KANK1: variants seen among roughly 807,000 people sequenced by gnomAD.
KANK1 encodes KN motif and ankyrin repeat domain-containing protein 1.
Under a neutral mutation model 106.2 loss-of-function variants are expected in KANK1, and 109 were observed. That is an observed-to-expected ratio of 1.03 (90% CI 0.88 to 1.20). KANK1 has a LOEUF of 1.20. Ranked by LOEUF, KANK1 falls within the 50% of genes most tolerant of loss-of-function variation. The pLI is 0.00. For synonymous variants in KANK1, 873 were observed against 652.2 expected (o/e 1.34, Z -5.16); for missense variants, 2,399 against 1,710.7 (o/e 1.40, Z -7.10).
rs745802412 is a variant in KANK1 at position 710,965 on chromosome 9, C to G, written c.199C>G (p.Arg67Gly). 6.2e-7 allele frequency: 1 copy of G among 1,614,168 alleles called. No homozygotes were observed. The highest frequency in any genetic ancestry group is 2.2e-5 in the East Asian group (1 of 44,878). Residue 67 changes from arginine (R) to glycine (G), a missense_variant, in exon 3 of 12, where the codon CGG becomes GGG. Transcript: ENST00000382297. ...TIKRLNIQKRRKPSVPCPEPR... is the reference protein window; with the variant it reads ...TIKRLNIQKRGKPSVPCPEPR... ...CAAAAGACTGAACATCCAGAAGAGG[C>G]GGAAGCCGTCCGTGCCATGCCCAGA... is the stretch of plus-strand genomic sequence containing the variant.
intron 1 of KANK1, among the ~76,000 whole-genome samples, chr9:655,870 A>G (rs1029831749): frequency 5.3e-5 from 8 of 152,198 alleles, no homozygotes; most frequent in African/African-American, 1.9e-4. Context: ...AAATGTTTGT[A>G]AATTAATTTT....
At chr9:584,106 A>G (rs190556000) in intron 1 of KANK1, among the ~76,000 whole-genome samples, 1 of 152,286 alleles carries the variant, frequency 6.6e-6, no homozygotes, top group East Asian at 1.9e-4. Flanking sequence ...TCAGCATTAC[A>G]TATATAATCA....
rs1001101384 is a variant in KANK1, at chr9:730,048, T to C, written c.2699-3T>C. 5 of 1,613,694 alleles carry C rather than the reference T, an allele frequency of 3.1e-6. 1 individual carries two copies. The highest frequency in any genetic ancestry group is 3.3e-4 in the Middle Eastern group (2 of 6,054). ...CACTCTGTACCTTTCTTTTTCCTGA[T>C]AGGCAATTATTTGGGATATACCTGT... On this transcript the variant is annotated splice_polypyrimidine_tract_variant and splice_region_variant and intron_variant, in intron 3 of 11. Transcript: ENST00000382297.
intron 1 of KANK1, among the ~76,000 whole-genome samples, chr9:519,707 T>C (rs1298164995): frequency 6.6e-6 from 1 of 151,788 alleles, no homozygotes; most frequent in East Asian, 1.9e-4. Context: ...CCTTGTTTTA[T>C]CCTCCATCAG....
At chr9:737,188 G>C (rs1834022858) in intron 7 of KANK1, among the ~76,000 whole-genome samples, 1 of 152,134 alleles carries the variant, frequency 6.6e-6, no homozygotes. Context: ...CTTTCAGTGT[G>C]ACAACTCCAG....
At chr9:504,161 C>T (rs1424879887), upstream of KANK1, among the ~76,000 whole-genome samples, 3 of 152,178 alleles carry the variant, frequency 2.0e-5, no homozygotes, top group Non-Finnish European at 4.4e-5. Context: ...AGCAGGCCAG[C>T]CTCGTTGCCA....
chr9:604,911 A>G (rs931338718), intron 1 of KANK1, among the ~76,000 whole-genome samples: 2 of 151,862 alleles, frequency 1.3e-5, no homozygotes, highest in African/African-American at 4.9e-5. Context: ...TTCTTCATAA[A>G]TTGCTCAGTC....
At chr9:548,042 A>G (rs571520289) in intron 1 of KANK1, among the ~76,000 whole-genome samples, 14 of 152,318 alleles carry the variant, frequency 9.2e-5, no homozygotes, top group Admixed American at 7.2e-4. Flanking sequence ...CTTCATAACT[A>G]TGATAGCATA....
At chr9:481,857 T>A (rs1381951335) in intron 3 of KANK1, among the ~76,000 whole-genome samples, 7 of 120,292 alleles carry the variant, frequency 5.8e-5, no homozygotes, top group Non-Finnish European at 7.1e-5. Flanking sequence ...AAAAAAAAAA[T>A]AAAGGATGAA....
chr9:719,108 C>T (rs7021508), intron 3 of KANK1, among the ~76,000 whole-genome samples: 10 of 151,376 alleles, frequency 6.6e-5, no homozygotes, highest in African/African-American at 1.9e-4. Flanking sequence ...TACAGGCACA[C>T]GCCACCAGGC....
At chr9:738,701 G>C (rs530158434) in intron 8 of KANK1, among the ~76,000 whole-genome samples, 197 bp downstream of exon 8, 7 of 152,230 alleles carry the variant, frequency 4.6e-5, no homozygotes, top group Non-Finnish European at 1.0e-4. Context: ...GGGTGACACA[G>C]ATTCTAGATC....
intron 1 of KANK1, among the ~76,000 whole-genome samples, chr9:504,969 G>C (rs969875399): frequency 1.3e-5 from 2 of 150,998 alleles, no homozygotes; most frequent in East Asian, 3.9e-4. Flanking sequence ...CTGGGGGGGG[G>C]TCCGAGAGGT....
At chr9:672,341 G>A (rs902497424) in intron 1 of KANK1, among the ~76,000 whole-genome samples, 6 of 152,172 alleles carry the variant, frequency 3.9e-5, no homozygotes, top group Non-Finnish European at 7.4e-5. Flanking sequence ...TGTAACAATT[G>A]CATCAGTGGT....
At chr9:557,982 G>C (rs780933608) in intron 1 of KANK1, among the ~76,000 whole-genome samples, 40 of 141,056 alleles carry the variant, frequency 2.8e-4, no homozygotes, top group Non-Finnish European at 5.1e-4. Flanking sequence ...TCCATCCTGG[G>C]TGACAGAGCA....
intron 1 of KANK1, among the ~76,000 whole-genome samples, chr9:626,085 T>C (rs1056532185): frequency 6.6e-6 from 1 of 152,122 alleles, no homozygotes; most frequent in Non-Finnish European, 1.5e-5. Context: ...CTTCAATTCC[T>C]CATCAATAAG....
rs746459261 is a variant in KANK1, at chr9:745,201, C to A, written c.4025C>A (p.Ser1342Tyr). 10 of 1,613,962 alleles carry A rather than the reference C, an allele frequency of 6.2e-6. No individual in the cohort carries two copies. Among genetic ancestry groups the A allele is most frequent in the Non-Finnish European group, 8.5e-6 (10 of 1,180,002 alleles). Residue 1342 changes from serine (S) to tyrosine (Y), a missense_variant, in exon 12 of 12, where the codon TCT becomes TAT. Coordinates refer to ENST00000382297, the MANE Select transcript of KANK1 (RefSeq NM_015158.5). The stretch of plus-strand genomic sequence containing the variant: ...ACCCCTAGGCTTGGAAGGAAGACGT[C>A]TCCTGGCCCCACCCACCGAGGTTCA... Reference protein sequence around the residue: ...PGTPRLGRKTSPGPTHRGSFD With the variant: ...PGTPRLGRKTYPGPTHRGSFD
chr9:715,489 A>C (rs1182653866), intron 3 of KANK1, among the ~76,000 whole-genome samples: 2 of 152,148 alleles, frequency 1.3e-5, no homozygotes, highest in African/African-American at 2.4e-5. Flanking sequence ...CCCTGAAGTA[A>C]TTTGCTGACC....
intron 3 of KANK1, among the ~76,000 whole-genome samples, chr9:728,559 T>C (rs988721952): frequency 2.6e-5 from 4 of 152,238 alleles, no homozygotes; most frequent in African/African-American, 9.6e-5. Flanking sequence ...ATCTACATTA[T>C]GTAGTGAATC....
intron 3 of KANK1, among the ~76,000 whole-genome samples, chr9:473,455 CT>C (rs2058053610): frequency 6.6e-6 from 1 of 152,192 alleles, no homozygotes. Context: ...TGAAAGACCC[CT>C]AATGGGACAT....
Sources: gnomAD v4.1 joint callset for allele counts (sites outside exome capture counted in the v4.1 genomes callset) on GRCh38, gnomAD v4.1.1 for gene constraint, MANE v1.5 for transcripts, NCBI Gene and HGNC (gene_info 2026-07-23, HGNC 2026-07-21) for gene names.